Variants in DNAJB12 observed in about 807,000 individuals in gnomAD.
DNAJB12 encodes DnaJ heat shock protein family (Hsp40) member B12.
DNAJB12 carries 14 observed loss-of-function variants against 40.6 expected under a neutral mutation model. The ratio of observed to expected loss-of-function variants is 0.34; its 90% CI spans 0.23 to 0.54. The LOEUF (loss-of-function observed/expected upper bound fraction) is 0.54, where lower values mean the gene tolerates loss of function less well. DNAJB12 is among the 20% of genes least tolerant of loss of function. DNAJB12 has a pLI of 0.92. For synonymous variants in DNAJB12, 181 were observed against 199.5 expected, an observed-to-expected ratio of 0.91 and a Z score of 0.78; for missense variants, 444 against 501.7, an observed-to-expected ratio of 0.89 and a Z score of 1.10.
intron 5 of DNAJB12, among the ~76,000 whole-genome samples, chr10:72,339,318 G>A (rs910184853): frequency 3.3e-5 from 5 of 150,944 alleles, no homozygotes; most frequent in African/African-American, 4.9e-5. Context: ...GGCAGATCAC[G>A]AGGTCAGGAG....
At chr10:72,336,435 G>C (rs1589122653) in intron 7 of DNAJB12, 89 bp downstream of exon 7, 5 of 1,417,756 alleles carry the variant, frequency 3.5e-6, no homozygotes, top group Middle Eastern at 2.5e-4. Context: ...TCAGAGCACA[G>C]GGTGAGCAGG....
rs375106554 is a variant in DNAJB12, at chr10:72,341,125, T to C, written c.503A>G (p.Lys168Arg). 2.2e-4 allele frequency: 348 copies of C among 1,613,978 alleles called. No homozygotes were observed. Among genetic ancestry groups the C allele is most frequent in the Admixed American group, 4.5e-4 (27 of 60,022 alleles). ...GTCATCGCCGAACTGGTCATACTGC[T>C]TCCTCTTCTCCGGGTTGCTGAGTAC... ...YAVLSNPEKR[K>R]QYDQFGDDKS... Residue 168 changes from lysine to arginine, a missense_variant, in exon 4 of 9, where the codon AAG becomes AGG. Coordinates refer to ENST00000444643, the MANE Select transcript of DNAJB12 (RefSeq NM_017626.7).
intron 8 of DNAJB12, 112 bp from the exon 9 acceptor site, chr10:72,334,729 G>A (rs1185288796): frequency 5.7e-6 from 8 of 1,409,672 alleles, no homozygotes; most frequent in East Asian, 5.7e-5. Context: ...CGTGCTGCCC[G>A]CTCGACCCCC....
chr10:72,348,445 G>C (rs1467932911), intron 1 of DNAJB12, among the ~76,000 whole-genome samples: 2 of 152,222 alleles, frequency 1.3e-5, no homozygotes, highest in Non-Finnish European at 2.9e-5. Flanking sequence ...GCATCCCTCT[G>C]TGCTAAGGAA....
chr10:72,339,782 C>T (rs914376503), intron 5 of DNAJB12, among the ~76,000 whole-genome samples: 7 of 150,264 alleles, frequency 4.7e-5, no homozygotes, highest in Non-Finnish European at 7.4e-5. Context: ...GGCACGATCT[C>T]GGCTCAACAC....
chr10:72,348,115 C>T (rs1025662013), intron 1 of DNAJB12, among the ~76,000 whole-genome samples: 9 of 149,208 alleles, frequency 6.0e-5, no homozygotes, highest in South Asian at 4.3e-4. Flanking sequence ...CCCAGCTACT[C>T]GGGAGGCTGA....
At chr10:72,336,158 G>T (rs1861468220) in intron 7 of DNAJB12, among the ~76,000 whole-genome samples, 1 of 152,176 alleles carries the variant, frequency 6.6e-6, no homozygotes, top group Non-Finnish European at 1.5e-5. Context: ...GCCAAGGTGA[G>T]ACCCTGTCAT....
At chr10:72,336,057 C>T in intron 7 of DNAJB12, 126 bp from the exon 8 acceptor site, 2 of 1,205,008 alleles carry the variant, frequency 1.7e-6, no homozygotes, top group Non-Finnish European at 2.4e-6. Flanking sequence ...GGGCTGGCCT[C>T]CCATTAGGAA....
chr10:72,343,487 A>G lies in DNAJB12; in HGVS notation c.336T>C (p.Tyr112=), dbSNP rs747328144. ...CCCCTCTGCTCACCCCCAGGATCTC[A>G]TAGTAATCTTTACATTGCTTGACCC... ...VKRVKQCKDY[Y]EILGVSRGAS... The change falls in exon 3 of 9, where the codon TAT becomes TAC. Residue 112 remains tyrosine, a synonymous_variant. Transcript: ENST00000444643. 10 of 1,613,320 alleles carry G rather than the reference A, an allele frequency of 6.2e-6. No individual in the cohort carries two copies. The highest frequency in any genetic ancestry group is 1.7e-5 in the Admixed American group (1 of 60,012).
chr10:72,344,189 C>A (rs1157340571), intron 2 of DNAJB12, among the ~76,000 whole-genome samples: 1 of 152,234 alleles, frequency 6.6e-6, no homozygotes, highest in Non-Finnish European at 1.5e-5. Context: ...CCTCCTGGTT[C>A]TTGGCCGTTT....
In DNAJB12 at chr10:72,334,299, T is replaced by C. The variant is rs41282262; in HGVS notation, c.*349A>G. On this transcript the variant is annotated 3_prime_UTR_variant, in exon 9 of 9. Coordinates refer to ENST00000444643, the MANE Select transcript of DNAJB12 (RefSeq NM_017626.7). The stretch of plus-strand genomic sequence containing the variant: ...CTGTGAGGGAGGAAAGGCAGCTGGG[T>C]GCCCCCTCCCCCAGCCCTTCCCACT... The C allele has an allele frequency of 0.068, 30,813 of 453,340 alleles. 3,000 individuals are homozygous for C. The highest frequency in any genetic ancestry group is 0.32 in the African/African-American group (15,418 of 48,020). 28.1% of individuals were successfully genotyped at this position (453,340 alleles called of 1,614,324 possible). A position where few individuals can be genotyped will look rare whatever the true frequency, so the allele number is the denominator to read the frequency against.
Position 72,335,418 on chromosome 10 carries a change from G to A in DNAJB12, c.*30+362C>T, listed in dbSNP as rs2055895574. 1 of 1,045,876 alleles carries A rather than the reference G, an allele frequency of 9.6e-7. No individual in the cohort carries two copies. The highest frequency in any genetic ancestry group is 1.2e-6 in the Non-Finnish European group (1 of 864,598). The allele number at this position is 1,045,876 out of a possible 1,614,324, so 64.8% of individuals were successfully genotyped here. A position where few individuals can be genotyped will look rare whatever the true frequency, so the allele number is the denominator to read the frequency against. The stretch of plus-strand genomic sequence containing the variant: ...CCTAAATACCAGGGCACGGACAATA[G>A]TCTGCTGTGCTGGAGAAAGGGCCGT... On this transcript the variant is annotated intron_variant, in intron 8 of 8. Transcript: ENST00000444643. This position sits in a 1 kb window ranked among gnomAD's most constrained non-coding sequence, Gnocchi z 4.4.
chr10:72,340,071 G>A (rs1207225857), intron 5 of DNAJB12, among the ~76,000 whole-genome samples: 5 of 152,158 alleles, frequency 3.3e-5, no homozygotes, highest in East Asian at 1.9e-4. Context: ...GTGGCAGAGC[G>A]CAGTGGCTCA....
chr10:72,341,976 C>T (rs968046273), intron 3 of DNAJB12, among the ~76,000 whole-genome samples: 25 of 152,232 alleles, frequency 1.6e-4, no homozygotes, highest in African/African-American at 5.8e-4. Flanking sequence ...TCTTGACGTG[C>T]CCAATAGGAT....
rs981316859 is a variant in DNAJB12 at position 72,336,439 on chromosome 10, G to A, written c.1006+85C>T. 6.3e-6 allele frequency: 9 copies of A among 1,426,328 alleles called. No homozygotes were observed. In the East Asian group the frequency reaches 9.1e-5, roughly 14 times the overall value. The allele number at this position is 1,426,328 out of a possible 1,614,324, so 88.4% of individuals were successfully genotyped here. A position where few individuals can be genotyped will look rare whatever the true frequency, so the allele number is the denominator to read the frequency against. ...GGGCTGGGCCCTCAGAGCACAGGGT[G>A]AGCAGGGCTCTCTCCTTCCCCTGCT... On this transcript the variant is annotated intron_variant, in intron 7 of 8. Coordinates refer to ENST00000444643, the MANE Select transcript of DNAJB12 (RefSeq NM_017626.7).
At chr10:72,352,280 T>G (rs113559374) in intron 1 of DNAJB12, among the ~76,000 whole-genome samples, 3,525 of 152,268 alleles carry the variant, frequency 0.023, 127 homozygotes, top group African/African-American at 0.08. Context: ...TTTCCCAAAC[T>G]TAATCCTCTC....
In DNAJB12 at chr10:72,334,609, TTTCATAG is replaced by T; in HGVS notation, c.*32_*38del. The T allele has an allele frequency of 2.0e-6, 3 of 1,534,032 alleles. No individual in the cohort carries two copies. Among genetic ancestry groups the T allele is most frequent in the Non-Finnish European group, 2.6e-6 (3 of 1,146,264 alleles). On this transcript the variant is annotated splice_region_variant and 3_prime_UTR_variant, in exon 9 of 9. Coordinates refer to ENST00000444643, the MANE Select transcript of DNAJB12 (RefSeq NM_017626.7). Reference sequence around the variant, plus strand: ...CATGTCACCAAAAATTCTCCAGGGATTTCATAGTCTGGGGAGGAGAGTGGCAACAGTT... The same window carrying T: ...CATGTCACCAAAAATTCTCCAGGGATTCTGGGGAGGAGAGTGGCAACAGTT...
At chr10:72,341,220 G>T in intron 3 of DNAJB12, 50 bp from the exon 4 acceptor site, 1 of 1,558,876 alleles carries the variant, frequency 6.4e-7, no homozygotes. Context: ...GGTGCGGGGG[G>T]AGGCTCCCAT....
At chr10:72,348,636 T>A (rs1861859318) in intron 1 of DNAJB12, among the ~76,000 whole-genome samples, 1 of 152,242 alleles carries the variant, frequency 6.6e-6, no homozygotes, top group Non-Finnish European at 1.5e-5. Flanking sequence ...CCTGGGCCAC[T>A]GCTGCCGCAC....
Sources: allele counts gnomAD v4.1 joint callset (sites outside exome capture counted in the v4.1 genomes callset), GRCh38; gene constraint gnomAD v4.1.1; non-coding constraint Gnocchi (gnomAD v3.1); transcripts MANE v1.5; gene names NCBI Gene and HGNC (gene_info 2026-07-23, HGNC 2026-07-21).